The following ITGAL variants were observed in gnomAD, a reference collection of about 807,000 sequenced individuals.
The protein encoded by ITGAL is integrin subunit alpha L.
A neutral mutation model predicts 138.4 loss-of-function variants in ITGAL; 68 were observed. The observed-to-expected ratio is 0.49, with a 90% confidence interval of 0.40 to 0.60. The LOEUF is 0.60. ITGAL is among the 20% of genes least tolerant of loss of function. The pLI is 0.00. For missense variants in ITGAL, 1,256 were observed against 1,478.6 expected, an observed-to-expected ratio of 0.85 and a Z score of 2.47; for synonymous variants, 561 against 584.3, an observed-to-expected ratio of 0.96 and a Z score of 0.57.
At chr16:30,485,287 C>T (rs1279766751) in intron 9 of ITGAL, among the ~76,000 whole-genome samples, 3 of 151,462 alleles carry the variant, frequency 2.0e-5, no homozygotes, top group African/African-American at 4.8e-5. Context: ...AGTGCAGTGG[C>T]GCAGTCTCTG....
At position 30,506,733 on chromosome 16, in the gene ITGAL, A is replaced by C; in HGVS notation, c.2385A>C (p.Leu795=). ...FSPARSRALR[L]TAFASLSVEL... ...CCCACAGATCCAGAGCCCTGCGTCT[A>C]ACTGCTTTTGCCAGCCTCTCTGTGG... The change falls in exon 21 of 31, where the codon CTA becomes CTC. Residue 795 remains leucine, a synonymous_variant. Transcript: ENST00000356798. The C allele has an allele frequency of 6.2e-7, 1 of 1,613,656 alleles. No individual in the cohort carries two copies. Among genetic ancestry groups the C allele is most frequent in the East Asian group, 2.2e-5 (1 of 44,866 alleles).
intron 4 of ITGAL, among the ~76,000 whole-genome samples, chr16:30,477,645 T>C (rs974737446): frequency 1.1e-4 from 17 of 151,880 alleles, no homozygotes; most frequent in African/African-American, 3.9e-4. Flanking sequence ...AGAAATGACT[T>C]TGGGAGGCCG....
chr16:30,515,190 G>A (rs192265285), intron 25 of ITGAL, among the ~76,000 whole-genome samples: 3 of 152,274 alleles, frequency 2.0e-5, no homozygotes, highest in African/African-American at 7.2e-5. Flanking sequence ...TCTGGCTTGC[G>A]TGGAATCTTT....
intron 17 of ITGAL, among the ~76,000 whole-genome samples, chr16:30,500,155 G>A (rs759475377): frequency 6.7e-6 from 1 of 150,250 alleles, no homozygotes; most frequent in South Asian, 2.1e-4. Context: ...GCATGATCTC[G>A]GCTCACTACA....
intron 27 of ITGAL, 25 bp downstream of exon 27, chr16:30,517,730 G>C (rs181681259): frequency 6.2e-7 from 1 of 1,613,284 alleles, no homozygotes; most frequent in Non-Finnish European, 8.5e-7. Flanking sequence ...GCTGAGAGAC[G>C]GTGGGGCTGG....
chr16:30,491,088 A>G (rs2050718375), intron 11 of ITGAL, among the ~76,000 whole-genome samples: 2 of 151,680 alleles, frequency 1.3e-5, no homozygotes. Context: ...TGAAAAAAAA[A>G]AAAGAAGAAA....
chr16:30,484,067 C>T, intron 8 of ITGAL, 46 bp from the exon 9 acceptor site: 1 of 1,600,492 alleles, frequency 6.2e-7, no homozygotes, highest in Non-Finnish European at 8.5e-7. Flanking sequence ...GCAAACTGGA[C>T]TGAGGTTTGG....
At chr16:30,521,100 T>TAAATA (rs760554427) in intron 30 of ITGAL, among the ~76,000 whole-genome samples, 1 of 150,478 alleles carries the variant, frequency 6.6e-6, no homozygotes, top group African/African-American at 2.5e-5. Flanking sequence ...TAAAATAAAA[T>TAAATA]AAATAAAATA....
chr16:30,510,780 A>G, intron 22 of ITGAL, 101 bp from the exon 23 acceptor site: 1 of 951,922 alleles, frequency 1.1e-6, no homozygotes, highest in Admixed American at 1.8e-5. Context: ...TGCAGTGAGC[A>G]CTTGATAAGG....
chr16:30,474,145 T>C, intron 1 of ITGAL, 51 bp from the exon 2 acceptor site: 1 of 1,386,682 alleles, frequency 7.2e-7, no homozygotes, highest in Non-Finnish European at 1.0e-6. Flanking sequence ...GCTGGGCACG[T>C]GCAGGGGCGG....
At chr16:30,515,152 T>C (rs2051148178) in intron 25 of ITGAL, among the ~76,000 whole-genome samples, 1 of 152,144 alleles carries the variant, frequency 6.6e-6, no homozygotes, top group African/African-American at 2.4e-5. Flanking sequence ...AAACCAAATT[T>C]GCTGTCTTCC....
In ITGAL at chr16:30,474,099, G is replaced by A. The variant is rs923510281; in HGVS notation, c.62-97G>A. The A allele has an allele frequency of 4.6e-6, 4 of 876,942 alleles. No individual in the cohort carries two copies. The African/African-American group carries it at 5.0e-5, about 11-fold the overall frequency. 54.3% of individuals were successfully genotyped at this position (876,942 alleles called of 1,614,324 possible). ...GAAGCGCAGGGTGCGGGTGGCCTGGGGAGCGACATCCGGGTGGGCCTGGGA... is the reference window on the plus strand; with the variant it reads ...GAAGCGCAGGGTGCGGGTGGCCTGGAGAGCGACATCCGGGTGGGCCTGGGA... On this transcript the variant is annotated intron_variant, in intron 1 of 30. Coordinates refer to ENST00000356798, the MANE Select transcript of ITGAL (RefSeq NM_002209.3).
chr16:30,481,922 G>A (rs531574158), intron 7 of ITGAL, among the ~76,000 whole-genome samples: 57 of 151,968 alleles, frequency 3.8e-4, no homozygotes, highest in Non-Finnish European at 5.1e-4. Context: ...ATGGAGTTTC[G>A]CTCTTGTTGC....
chr16:30,517,114 T>G, intron 26 of ITGAL, 28 bp downstream of exon 26: 21 of 1,409,738 alleles, frequency 1.5e-5, no homozygotes, highest in Non-Finnish European at 2.1e-5. Flanking sequence ...AGGGAGGGTC[T>G]ACCCTCCTCA....
rs1265357407 is a variant in ITGAL at position 30,504,155 on chromosome 16, T to A, written c.2146-20T>A. 4 of 1,562,736 alleles carry A rather than the reference T, an allele frequency of 2.6e-6. No homozygotes were observed. Among genetic ancestry groups the A allele is most frequent in the Non-Finnish European group, 3.5e-6 (4 of 1,133,444 alleles). On this transcript the variant is annotated intron_variant, in intron 17 of 30. Coordinates refer to ENST00000356798, the MANE Select transcript of ITGAL (RefSeq NM_002209.3). ...TAAAAGTTAGATTCATGACATAGGC[T>A]GTATTCTTATCACCCTCAGGTATGT...
chr16:30,484,034 G>T, intron 8 of ITGAL, 75 bp downstream of exon 8: 1 of 1,594,934 alleles, frequency 6.3e-7, no homozygotes, highest in African/African-American at 1.3e-5. Context: ...TCTCCCTGGG[G>T]CCAGACTCTT....
chr16:30,513,374 G>T (rs997536606), intron 24 of ITGAL, among the ~76,000 whole-genome samples: 1 of 152,230 alleles, frequency 6.6e-6, no homozygotes, highest in East Asian at 1.9e-4. Context: ...GCAGGTGAGT[G>T]GCAGGACTAG....
At chr16:30,518,559 G>C in intron 28 of ITGAL, 65 bp from the exon 29 acceptor site, 1 of 1,126,776 alleles carries the variant, frequency 8.9e-7, no homozygotes, top group East Asian at 2.3e-5. Flanking sequence ...GTTGTGGTGG[G>C]GGCAAAAGCC....
intron 20 of ITGAL, among the ~76,000 whole-genome samples, chr16:30,506,363 C>A (rs1371467841): frequency 6.7e-6 from 1 of 149,196 alleles, no homozygotes; most frequent in Non-Finnish European, 1.5e-5. Context: ...ACCATCCTGG[C>A]TAACACAGTG....
Sources: gnomAD v4.1 joint callset for allele counts (sites outside exome capture counted in the v4.1 genomes callset) on GRCh38, gnomAD v4.1.1 for gene constraint, MANE v1.5 for transcripts, NCBI Gene and HGNC (gene_info 2026-07-23, HGNC 2026-07-21) for gene names.